The following MFN1 variants were observed in gnomAD, a reference collection of about 807,000 sequenced individuals.
MFN1 encodes the protein mitofusin-1.
MFN1 carries 65 observed loss-of-function variants against 92.4 expected under a neutral mutation model. That is an observed-to-expected ratio of 0.70 (90% CI 0.58 to 0.86). The LOEUF (loss-of-function observed/expected upper bound fraction) is 0.86, where lower values mean the gene tolerates loss of function less well. Ranked by LOEUF, MFN1 falls within the 40% of genes least tolerant of loss-of-function variation. MFN1 has a pLI of 0.00. For missense variants in MFN1, 781 were observed against 868.0 expected (o/e 0.90, Z 1.26); for synonymous variants, 297 against 300.9 (o/e 0.99, Z 0.13).
intron 2 of MFN1, among the ~76,000 whole-genome samples, chr3:179,350,997 G>T (rs1560188472): frequency 6.6e-6 from 1 of 152,164 alleles, no homozygotes; most frequent in African/African-American, 2.4e-5. Flanking sequence ...TAGAGATGGT[G>T]TTTTACCATA....
intron 2 of MFN1, among the ~76,000 whole-genome samples, chr3:179,351,354 G>A (rs1314782784): frequency 2.0e-5 from 3 of 152,182 alleles, no homozygotes. Context: ...CTGTAGATAG[G>A]ATACAACCTG....
At chr3:179,358,153 T>TG (rs1553845766) in intron 3 of MFN1, among the ~76,000 whole-genome samples, 2 of 144,778 alleles carry the variant, frequency 1.4e-5, no homozygotes, top group Non-Finnish European at 3.0e-5. Context: ...TCATTTTGTT[T>TG]TTTTTTTTTT....
At chr3:179,379,027 C>T (rs1269346017) in intron 14 of MFN1, among the ~76,000 whole-genome samples, 6 of 152,108 alleles carry the variant, frequency 3.9e-5, no homozygotes. Flanking sequence ...ACGGTGACAC[C>T]ACAGGTGGAA....
At chr3:179,375,031 C>G (rs1713184347) in intron 9 of MFN1, among the ~76,000 whole-genome samples, 189 bp from the exon 10 acceptor site, 1 of 151,934 alleles carries the variant, frequency 6.6e-6, no homozygotes, top group African/African-American at 2.4e-5. Flanking sequence ...GCTGCTAAAG[C>G]CCTTTTTACT....
chr3:179,363,877 A>G (rs1292573872), intron 5 of MFN1, among the ~76,000 whole-genome samples: 1 of 152,186 alleles, frequency 6.6e-6, no homozygotes, highest in Non-Finnish European at 1.5e-5. Context: ...TATACCCATA[A>G]AAATTTTAAA....
chr3:179,364,388 T>G lies in MFN1; in HGVS notation c.628T>G (p.Ser210Ala). 1 of 1,608,646 alleles carries G rather than the reference T, an allele frequency of 6.2e-7. No homozygotes were observed. Among genetic ancestry groups the G allele is most frequent in the Non-Finnish European group, 8.5e-7 (1 of 1,175,076 alleles). Residue 210 changes from serine to alanine, a missense_variant, in exon 6 of 18, where the codon TCA becomes GCA. By Grantham distance (99) the Ser-to-Ala change is moderately conservative. Transcript: ENST00000471841. ...DVFVLVANSE[S>A]TLMNTEKHFF... ...CTTTGTTTTGGTCGCAAACTCTGAATCAACACTAATGAATACGGTAGGATT... is the reference window on the plus strand; with the variant it reads ...CTTTGTTTTGGTCGCAAACTCTGAAGCAACACTAATGAATACGGTAGGATT...
chr3:179,371,602 A>G (rs576409285), intron 9 of MFN1, among the ~76,000 whole-genome samples: 3 of 152,346 alleles, frequency 2.0e-5, no homozygotes, highest in African/African-American at 7.2e-5. Context: ...TTCAAAATGC[A>G]TTTGGACTGC....
chr3:179,352,930 T>G (rs1256375242), intron 3 of MFN1, among the ~76,000 whole-genome samples: 2 of 151,304 alleles, frequency 1.3e-5, no homozygotes, highest in Non-Finnish European at 2.9e-5. Flanking sequence ...TTTTGTATTT[T>G]TAGTAGAGGT....
chr3:179,391,722 C>T (rs926863750), intron 17 of MFN1, among the ~76,000 whole-genome samples: 3 of 152,112 alleles, frequency 2.0e-5, no homozygotes, highest in African/African-American at 7.2e-5. Context: ...TTTTGGTATG[C>T]CATTGCCGCT....
chr3:179,391,863 T>G (rs889783605), intron 17 of MFN1, 118 bp from the exon 18 acceptor site: 39 of 630,466 alleles, frequency 6.2e-5, no homozygotes, highest in Non-Finnish European at 1.0e-4. Flanking sequence ...ATGATTCCAC[T>G]GTCTGTTATG....
chr3:179,367,677 C>T, intron 8 of MFN1, 85 bp downstream of exon 8: 3 of 1,237,252 alleles, frequency 2.4e-6, no homozygotes, highest in Non-Finnish European at 3.2e-6. Context: ...GTAATCCCAG[C>T]ACTTTGGAAG....
chr3:179,354,209 T>A (rs994728838), intron 3 of MFN1, among the ~76,000 whole-genome samples: 1 of 152,102 alleles, frequency 6.6e-6, no homozygotes, highest in Non-Finnish European at 1.5e-5. Context: ...TAGCTTTGGA[T>A]GTGAAAAAGG....
intron 2 of MFN1, among the ~76,000 whole-genome samples, chr3:179,349,270 G>A (rs747619642): frequency 7.9e-5 from 12 of 152,072 alleles, no homozygotes; most frequent in Admixed American, 7.2e-4. Flanking sequence ...ATGAAGAGAC[G>A]AAGTCAAAGA....
chr3:179,359,129 T>C, intron 4 of MFN1, 127 bp downstream of exon 4: 1 of 1,006,588 alleles, frequency 9.9e-7, no homozygotes, highest in East Asian at 3.5e-5. Context: ...ATATTTTTCT[T>C]TTTTTTTTTA....
chr3:179,352,931 T>C (rs1484081060), intron 3 of MFN1, among the ~76,000 whole-genome samples: 2 of 151,476 alleles, frequency 1.3e-5, no homozygotes, highest in African/African-American at 4.9e-5. Flanking sequence ...TTTGTATTTT[T>C]AGTAGAGGTG....
Position 179,377,035 on chromosome 3 carries a change from G to T in MFN1, c.1098-7G>T. On this transcript the variant is annotated splice_region_variant and splice_polypyrimidine_tract_variant and intron_variant, in intron 10 of 17. Coordinates refer to ENST00000471841, the MANE Select transcript of MFN1 (RefSeq NM_033540.3). ...CTGAACGTTGATTACTCTTTATACT[G>T]AAATAGGCATTATTCAGTGGAAGAG... 1 of 1,612,780 alleles carries T rather than the reference G, an allele frequency of 6.2e-7. No individual in the cohort carries two copies. Among genetic ancestry groups the T allele is most frequent in the South Asian group, 1.1e-5 (1 of 90,836 alleles).
chr3:179,373,840 A>AT (rs1248619976), intron 9 of MFN1, among the ~76,000 whole-genome samples: 1 of 151,634 alleles, frequency 6.6e-6, no homozygotes, highest in Non-Finnish European at 1.5e-5. Context: ...TACCCAGCTA[A>AT]TTTTTTGTAT....
At chr3:179,364,916 A>G (rs902117283) in intron 6 of MFN1, among the ~76,000 whole-genome samples, 5 of 152,228 alleles carry the variant, frequency 3.3e-5, no homozygotes, top group African/African-American at 1.2e-4. Flanking sequence ...TAGGTAATCT[A>G]ATATTCAAAA....
At chr3:179,376,920 A>T (rs769871171) in intron 10 of MFN1, 122 bp from the exon 11 acceptor site, 35 of 856,266 alleles carry the variant, frequency 4.1e-5, no homozygotes, top group Non-Finnish European at 5.5e-5. Context: ...TTGAGATGTT[A>T]CAAGTTTTTT....
Sources: gnomAD v4.1 joint callset for allele counts (sites outside exome capture counted in the v4.1 genomes callset) on GRCh38, gnomAD v4.1.1 for gene constraint, MANE v1.5 for transcripts, NCBI Gene and HGNC (gene_info 2026-07-23, HGNC 2026-07-21) for gene names.